PCDHA10: variants seen among roughly 807,000 people sequenced by gnomAD.
PCDHA10 encodes the protein protocadherin alpha-10.
In PCDHA10, 45 loss-of-function variants were observed where a neutral mutation model predicts 61.2. The observed-to-expected ratio is 0.74, with a 90% CI of 0.58 to 0.94. The LOEUF is 0.94. Among genes scored for constraint, PCDHA10 ranks in the 40% least tolerant of loss-of-function variants. The pLI is 0.00. For synonymous variants in PCDHA10, 602 were observed against 548.8 expected, an observed-to-expected ratio of 1.10 and a Z score of -1.35; for missense variants, 1,278 against 1,236.2, an observed-to-expected ratio of 1.03 and a Z score of -0.51.
At chr5:140,926,654 C>G (rs2083445492) in intron 1 of PCDHA10, 1 of 514,022 alleles carries the variant, frequency 1.9e-6, no homozygotes, top group Non-Finnish European at 3.1e-6. Flanking sequence ...GCCGGCTCCG[C>G]TTTCCCAGAC....
intron 1 of PCDHA10, among the ~76,000 whole-genome samples, chr5:140,900,021 T>A (rs1423634160): frequency 1.3e-5 from 2 of 152,092 alleles, no homozygotes; most frequent in Non-Finnish European, 2.9e-5. Context: ...TGTTACCCAG[T>A]TTGGCCTTGA....
intron 1 of PCDHA10, among the ~76,000 whole-genome samples, chr5:140,916,761 G>A (rs1391817856): frequency 2.0e-5 from 3 of 152,306 alleles, no homozygotes; most frequent in South Asian, 2.1e-4. Flanking sequence ...TTAGGGGAGG[G>A]GTGGCACAAG....
chr5:140,971,922 G>A (rs1433994919), intron 1 of PCDHA10, among the ~76,000 whole-genome samples: 1 of 152,120 alleles, frequency 6.6e-6, no homozygotes, highest in Admixed American at 6.5e-5. Context: ...CACACTGCTA[G>A]TGTTATTTTA....
intron 1 of PCDHA10, among the ~76,000 whole-genome samples, chr5:140,925,358 C>A (rs1554202714): frequency 8.5e-5 from 13 of 152,094 alleles, no homozygotes; most frequent in Non-Finnish European, 1.9e-4. Flanking sequence ...GAATTTAGTG[C>A]TTCATAGTCA....
intron 3 of PCDHA10, among the ~76,000 whole-genome samples, chr5:140,982,798 T>C (rs1310396823): frequency 2.0e-5 from 3 of 151,768 alleles, no homozygotes; most frequent in African/African-American, 7.3e-5. Flanking sequence ...TGTGTGCATG[T>C]GTGTGTGTGT....
At chr5:140,877,435 G>A (rs1354877569) in intron 1 of PCDHA10, 1 of 1,613,736 alleles carries the variant, frequency 6.2e-7, no homozygotes, top group African/African-American at 1.3e-5. Context: ...GAAGGACCAC[G>A]GTGAGCCCGC....
intron 1 of PCDHA10, among the ~76,000 whole-genome samples, chr5:140,953,932 C>G (rs1005245846): frequency 1.2e-4 from 19 of 152,060 alleles, no homozygotes; most frequent in Non-Finnish European, 5.9e-5. Flanking sequence ...CTGATGCTCT[C>G]CCTCCCATTG....
chr5:140,977,750 G>A (rs2096773664), intron 1 of PCDHA10, among the ~76,000 whole-genome samples: 1 of 152,142 alleles, frequency 6.6e-6, no homozygotes, highest in South Asian at 2.1e-4. Context: ...GAAGAAATGT[G>A]TTTATTAAAT....
chr5:140,924,900 AAAAAAT>A (rs2082118159), intron 1 of PCDHA10, among the ~76,000 whole-genome samples: 2 of 63,328 alleles, frequency 3.2e-5, no homozygotes, highest in African/African-American at 5.4e-5. Flanking sequence ...GTCTCAAAAA[AAAAAAT>A]AAAATAAAAT....
chr5:140,945,709 G>C (rs1033770128), intron 1 of PCDHA10, among the ~76,000 whole-genome samples: 4 of 151,930 alleles, frequency 2.6e-5, no homozygotes, highest in Admixed American at 1.3e-4. Flanking sequence ...TGCAACAAAA[G>C]TATCAAGAAT....
intron 1 of PCDHA10, chr5:140,927,238 G>A (rs782670286): frequency 1.2e-6 from 2 of 1,614,122 alleles, no homozygotes; most frequent in Non-Finnish European, 1.7e-6. Flanking sequence ...TCACGTCCTG[G>A]ACACCAATGA....
chr5:140,904,150 C>T (rs1005130566), intron 1 of PCDHA10, among the ~76,000 whole-genome samples: 1 of 152,036 alleles, frequency 6.6e-6, no homozygotes, highest in Non-Finnish European at 1.5e-5. Context: ...GTATACATTG[C>T]ACCCAGTTTG....
intron 1 of PCDHA10, among the ~76,000 whole-genome samples, chr5:140,974,827 G>A (rs1356890991): frequency 6.6e-6 from 1 of 152,182 alleles, no homozygotes; most frequent in Admixed American, 6.5e-5. Flanking sequence ...GCAACATAAT[G>A]ATTATTTTAA....
In PCDHA10 at chr5:140,857,908, G is replaced by T. The variant is rs782073504; in HGVS notation, c.1860G>T (p.Pro620=). ...LQSAAVGARI[P]FRVGLYTGEI... ...CGGCGGCGGTTGGTGCACGCATCCC[G>T]TTTCGCGTGGGGCTGTACACGGGCG... Residue 620 remains proline (P), a synonymous_variant, in exon 1 of 4, where the codon CCG becomes CCT. Coordinates refer to ENST00000307360, the MANE Select transcript of PCDHA10 (RefSeq NM_018901.4). 6.3e-7 allele frequency: 1 copy of T among 1,597,722 alleles called. No individual in the cohort carries two copies. The highest frequency in any genetic ancestry group is 1.1e-5 in the South Asian group (1 of 90,500).
chr5:140,930,055 A>G (rs1249446079), intron 1 of PCDHA10: 2 of 152,206 alleles, frequency 1.3e-5, no homozygotes, highest in Admixed American at 6.5e-5. Context: ...GTTTTTGCTT[A>G]CACAAAAACT....
chr5:140,916,492 C>T (rs1310558218), intron 1 of PCDHA10, among the ~76,000 whole-genome samples: 2 of 152,170 alleles, frequency 1.3e-5, no homozygotes, highest in Admixed American at 6.5e-5. Context: ...GCTCTTTAGT[C>T]AGCAGGTGAT....
intron 3 of PCDHA10, among the ~76,000 whole-genome samples, chr5:140,991,523 T>A (rs73268060): frequency 0.032 from 4,843 of 152,294 alleles, 263 homozygotes; most frequent in African/African-American, 0.11. Flanking sequence ...CAAGGTGTGT[T>A]CTTGCCACTA....
intron 1 of PCDHA10, chr5:140,884,134 C>A: frequency 6.2e-6 from 10 of 1,613,442 alleles, no homozygotes; most frequent in Non-Finnish European, 7.6e-6. Context: ...GCATCCCGTT[C>A]CGCGTGGGGC....
At chr5:140,918,074 G>T (rs546551059) in intron 1 of PCDHA10, among the ~76,000 whole-genome samples, 1 of 152,096 alleles carries the variant, frequency 6.6e-6, no homozygotes, top group South Asian at 2.1e-4. Context: ...TCTTTCAGTA[G>T]TGTTTTATAA....
Sources: allele counts gnomAD v4.1 joint callset (sites outside exome capture counted in the v4.1 genomes callset), GRCh38; gene constraint gnomAD v4.1.1; transcripts MANE v1.5; gene names NCBI Gene and HGNC (gene_info 2026-07-23, HGNC 2026-07-21).